Variants in AARSD1 observed in about 807,000 individuals in gnomAD.
AARSD1 encodes the protein alanyl-tRNA editing protein Aarsd1.
Under a neutral mutation model 48.7 loss-of-function variants are expected in AARSD1, and 44 were observed. The observed-to-expected ratio is 0.90, with a 90% CI of 0.71 to 1.16. AARSD1 has a LOEUF of 1.16. AARSD1 is among the 50% of genes most tolerant of loss of function. The pLI, the probability that AARSD1 is intolerant of heterozygous loss-of-function variation, is 0.00. For missense variants in AARSD1, 511 were observed against 523.1 expected (o/e 0.98, Z 0.23); for synonymous variants, 189 against 194.9 (o/e 0.97, Z 0.25).
At position 42,964,384 on chromosome 17, in the gene AARSD1, C is replaced by G; in HGVS notation, c.39+18G>C. ...TTGCCGGCCCGGCAGTCTCAAGTGC[C>G]TCGCCGTGACGCCGTACCTCTCGGG... On this transcript the variant is annotated intron_variant, in intron 1 of 11. Coordinates refer to ENST00000427569, the MANE Select transcript of AARSD1 (RefSeq NM_001261434.2). 4 of 1,554,724 alleles carry G rather than the reference C, an allele frequency of 2.6e-6. No individual in the cohort carries two copies. Among genetic ancestry groups the G allele is most frequent in the South Asian group, 1.2e-5 (1 of 85,042 alleles).
chr17:42,955,090 A>G, intron 8 of AARSD1, 68 bp downstream of exon 8: 1 of 1,613,170 alleles, frequency 6.2e-7, no homozygotes, highest in Non-Finnish European at 8.5e-7. Context: ...TTTAGGCAGA[A>G]GACCAAGTCT....
Position 42,955,877 on chromosome 17 carries a change from AC to A in AARSD1, c.758del (p.Ser253IlefsTer8). 1 of 1,614,038 alleles carries A rather than the reference AC, an allele frequency of 6.2e-7. No individual in the cohort carries two copies. The highest frequency in any genetic ancestry group is 8.5e-7 in the Non-Finnish European group (1 of 1,180,002). ...CAGTCAGTGCTTTTTCAGTTCCATGACTTCTCTCCATCCACTTCAGCACCCG... is the reference window on the plus strand; with the variant it reads ...CAGTCAGTGCTTTTTCAGTTCCATGATTCTCTCCATCCACTTCAGCACCCG... ...GNRVLKWMERSHGTEKALTAL... is the reference protein window; with the variant it reads ...GNRVLKWMERXHGTEKALTAL... On this transcript the variant is annotated frameshift_variant, in exon 7 of 12. Transcript: ENST00000427569. LOFTEE classifies it high-confidence loss of function.
chr17:42,951,523 C>CT (rs1216054643), intron 11 of AARSD1, among the ~76,000 whole-genome samples: 1 of 152,120 alleles, frequency 6.6e-6, no homozygotes, highest in African/African-American at 2.4e-5. Context: ...GCTCTCCAGG[C>CT]TGGGCAACAG....
chr17:42,953,976 G>C, intron 9 of AARSD1, 198 bp from the exon 10 acceptor site: 1 of 630,744 alleles, frequency 1.6e-6, no homozygotes, highest in Non-Finnish European at 2.8e-6. Context: ...TCAACCTCCA[G>C]GTTTGTTTCC....
rs749398557 is a variant in AARSD1 at position 42,956,312 on chromosome 17, G to C, written c.555C>G (p.Gly185=). Residue 185 remains glycine, a synonymous_variant, in exon 6 of 12, where the codon GGC becomes GGG. Transcript: ENST00000427569. ...LDDPEVEQVS[G]RGLPDDHAGP... ...CAGCATGATCATCAGGCAAACCCCG[G>C]CCACTCACCTGGACTCAAGGAGAGG... 6.2e-7 allele frequency: 1 copy of C among 1,614,086 alleles called. No homozygotes were observed. Among genetic ancestry groups the C allele is most frequent in the Non-Finnish European group, 8.5e-7 (1 of 1,180,018 alleles).
intron 8 of AARSD1, 27 bp downstream of exon 8, chr17:42,955,131 C>T (rs756292366): frequency 4.3e-6 from 7 of 1,614,010 alleles, no homozygotes; most frequent in South Asian, 1.1e-5. Flanking sequence ...GGCCCATGCC[C>T]TCTCTACCCT....
In AARSD1 at chr17:42,964,402, C is replaced by A; in HGVS notation, c.39G>T (p.Glu13Asp). Residue 13 changes from glutamate (E) to aspartate (D), a missense_variant and splice_region_variant, in exon 1 of 12, where the codon GAG becomes GAT. Coordinates refer to ENST00000427569, the MANE Select transcript of AARSD1 (RefSeq NM_001261434.2). Reference protein sequence around the residue: ...FWCQRDSYAREFTTTVVSCCP... With the variant: ...FWCQRDSYARDFTTTVVSCCP... ...CAAGTGCCTCGCCGTGACGCCGTAC[C>A]TCTCGGGCATAACTGTCACGCTGAC... 6.4e-7 allele frequency: 1 copy of A among 1,551,856 alleles called. No homozygotes were observed. Among genetic ancestry groups the A allele is most frequent in the Non-Finnish European group, 8.7e-7 (1 of 1,147,526 alleles).
intron 4 of AARSD1, 67 bp downstream of exon 4, chr17:42,957,071 C>T (rs775558047): frequency 3.8e-6 from 6 of 1,595,882 alleles, no homozygotes; most frequent in Middle Eastern, 1.7e-4. Context: ...AGCAATTCTC[C>T]CACCTCCGCC....
intron 2 of AARSD1, among the ~76,000 whole-genome samples, chr17:42,962,804 G>A (rs1378536104): frequency 6.6e-6 from 1 of 152,250 alleles, no homozygotes; most frequent in Non-Finnish European, 1.5e-5. Flanking sequence ...GCCAAGGTGG[G>A]AGGACTGTTT....
At chr17:42,952,647 G>A (rs540464864) in intron 10 of AARSD1, among the ~76,000 whole-genome samples, 3 of 152,032 alleles carry the variant, frequency 2.0e-5, no homozygotes, top group South Asian at 2.1e-4. Context: ...TCCAGCCTGG[G>A]TGACAGAGCA....
intron 1 of AARSD1, 49 bp from the exon 2 acceptor site, chr17:42,964,286 TAGCC>T (rs2151944377): frequency 3.1e-6 from 5 of 1,611,732 alleles, no homozygotes; most frequent in South Asian, 2.2e-5. Flanking sequence ...GCCCTAGCCC[TAGCC>T]CTCTCCACAC....
At chr17:42,953,070 A>AC (rs1456022707) in intron 10 of AARSD1, among the ~76,000 whole-genome samples, 1 of 152,126 alleles carries the variant, frequency 6.6e-6, no homozygotes, top group Non-Finnish European at 1.5e-5. Context: ...ACCTCTGCCT[A>AC]CCAGGCTCAA....
Position 42,956,214 on chromosome 17 carries a change from C to T in AARSD1, c.653G>A (p.Ser218Asn). 6.2e-7 allele frequency: 1 copy of T among 1,614,130 alleles called. No individual in the cohort carries two copies. Among genetic ancestry groups the T allele is most frequent in the Non-Finnish European group, 8.5e-7 (1 of 1,180,026 alleles). ...CCGTTCCTCACTTACCTGAAGGTCA[C>T]TGAGATTGCTCACATGGGTCCCACA... is the stretch of plus-strand genomic sequence containing the variant. ...MCCGTHVSNL[S>N]DLQVIKILGT... The change falls in exon 6 of 12, where the codon AGT becomes AAT. Residue 218 changes from serine to asparagine, a missense_variant. Ser to Asn is a conservative substitution (Grantham distance 46). Coordinates refer to ENST00000427569, the MANE Select transcript of AARSD1 (RefSeq NM_001261434.2).
chr17:42,955,281 G>A (rs1450416661), intron 7 of AARSD1, 57 bp from the exon 8 acceptor site: 9 of 1,603,884 alleles, frequency 5.6e-6, no homozygotes, highest in South Asian at 1.1e-5. Flanking sequence ...TCTGATGTTG[G>A]GGACATAAAT....
At chr17:42,957,233 A>C (rs2049570790) in intron 3 of AARSD1, 38 bp from the exon 4 acceptor site, 1 of 1,611,860 alleles carries the variant, frequency 6.2e-7, no homozygotes, top group Non-Finnish European at 8.5e-7. Context: ...AAAAGTGAGA[A>C]GCCTACATAC....
At chr17:42,960,722 A>C (rs1442669757) in intron 3 of AARSD1, among the ~76,000 whole-genome samples, 1 of 125,350 alleles carries the variant, frequency 8.0e-6, no homozygotes, top group South Asian at 2.3e-4. Context: ...ACTCTGTGTC[A>C]AAAAAAAAAA....
Position 42,961,107 on chromosome 17 carries a change from G to C in AARSD1, c.331+85C>G. 8 of 1,452,638 alleles carry C rather than the reference G, an allele frequency of 5.5e-6. No homozygotes were observed. In the South Asian group the frequency reaches 1.2e-4, roughly 21 times the overall value. 90.0% of individuals were successfully genotyped at this position (1,452,638 alleles called of 1,614,324 possible). A position where few individuals can be genotyped will look rare whatever the true frequency, so the allele number is the denominator to read the frequency against. ...GTCTTTTCCAAAAGGTTAACTCCTA[G>C]AGAACCCAAACTACGTCTCAGTCAT... On this transcript the variant is annotated intron_variant, in intron 3 of 11. Transcript: ENST00000427569.
rs1415943245 is a variant in AARSD1 at position 42,953,977 on chromosome 17, G to A, written c.954-199C>T. The A allele has an allele frequency of 2.1e-5, 13 of 629,074 alleles. No individual in the cohort carries two copies. In the East Asian group the frequency reaches 3.1e-4, roughly 15 times the overall value. 39.0% of individuals were successfully genotyped at this position (629,074 alleles called of 1,614,324 possible). On this transcript the variant is annotated intron_variant, in intron 9 of 11. Coordinates refer to ENST00000427569, the MANE Select transcript of AARSD1 (RefSeq NM_001261434.2). The stretch of plus-strand genomic sequence containing the variant: ...TCTGCAGTTTGTAATCAACCTCCAG[G>A]TTTGTTTCCATCTCCCTTAAATAGG...
intron 11 of AARSD1, among the ~76,000 whole-genome samples, chr17:42,951,433 A>G (rs1004730310): frequency 2.0e-5 from 3 of 152,122 alleles, no homozygotes; most frequent in African/African-American, 7.2e-5. Context: ...TGCACCTGTA[A>G]TCCCAGCTAC....
Sources: allele counts gnomAD v4.1 joint callset (sites outside exome capture counted in the v4.1 genomes callset), GRCh38; gene constraint gnomAD v4.1.1; transcripts MANE v1.5; gene names NCBI Gene and HGNC (gene_info 2026-07-23, HGNC 2026-07-21).